Variants in FOXP4 observed in about 807,000 individuals in gnomAD.
FOXP4 encodes forkhead box protein P4.
In FOXP4, 25 loss-of-function variants were observed where a neutral mutation model predicts 82.6. The observed-to-expected ratio is 0.30, with a 90% CI of 0.22 to 0.42. The LOEUF is 0.42. FOXP4 is among the 10% of genes least tolerant of loss of function. The pLI is 1.00. For synonymous variants in FOXP4, 415 were observed against 388.2 expected (o/e 1.07, Z -0.81); for missense variants, 785 against 900.9 (o/e 0.87, Z 1.65).
chr6:41,558,856 CAAGT>C lies in FOXP4; in HGVS notation c.-16-6885_-16-6882del, dbSNP rs1270459469. Reference sequence around the variant, plus strand: ...GCCCTCTGTTTTATATCTCTTGACACAAGTAAGATATAGCAGGATAGCTAGAAAC... The same window carrying C: ...GCCCTCTGTTTTATATCTCTTGACACAAGATATAGCAGGATAGCTAGAAAC... On this transcript the variant is annotated intron_variant, in intron 1 of 16. Coordinates refer to ENST00000307972, the MANE Select transcript of FOXP4 (RefSeq NM_001012426.2). This position sits in a 1 kb window ranked among gnomAD's most constrained non-coding sequence, Gnocchi z 4.0. Among the ~76,000 whole-genome samples the C allele has an allele frequency of 1.3e-5, 2 of 152,116 alleles. No individual in the cohort carries two copies. Among genetic ancestry groups the C allele is most frequent in the African/African-American group, 2.4e-5 (1 of 41,398 alleles).
chr6:41,576,754 A>G (rs1765511041), intron 2 of FOXP4, among the ~76,000 whole-genome samples: 1 of 152,114 alleles, frequency 6.6e-6, no homozygotes, highest in African/African-American at 2.4e-5. Context: ...CCAGTTTTGC[A>G]GATAAGGAGA....
rs1480822740 is a variant in FOXP4, at chr6:41,601,902, G to GAAAGCTGAACTGGAGTC, written c.*2969_*2985dup. ...GGAGCAGGGGAGGGGAGGGTGTTGA[G>GAAAGCTGAACTGGAGTC]AAAGCTGAACTGGAGTCAATCACCC... On this transcript the variant is annotated 3_prime_UTR_variant, in exon 17 of 17. Transcript: ENST00000307972. 3.9e-5 allele frequency: 6 copies of GAAAGCTGAACTGGAGTC among 152,214 alleles called. No individual in the cohort carries two copies. Among genetic ancestry groups the GAAAGCTGAACTGGAGTC allele is most frequent in the African/African-American group, 1.4e-4 (6 of 41,434 alleles). The allele number at this position is 152,214 out of a possible 1,614,324, so 9.4% of individuals were successfully genotyped here.
At chr6:41,577,883 C>A in intron 2 of FOXP4, 103 bp from the exon 3 acceptor site, 1 of 780,270 alleles carries the variant, frequency 1.3e-6, no homozygotes, top group Non-Finnish European at 2.1e-6. Flanking sequence ...CAAGACCTTC[C>A]ACCTTACCCT....
intron 2 of FOXP4, among the ~76,000 whole-genome samples, chr6:41,569,862 G>GT (rs1235429129): frequency 6.6e-6 from 1 of 152,018 alleles, no homozygotes; most frequent in Non-Finnish European, 1.5e-5. Context: ...ATTCAAAAGG[G>GT]TTGGGGGGCT....
intron 1 of FOXP4, among the ~76,000 whole-genome samples, chr6:41,557,969 TCTC>T (rs376933176): frequency 1.6e-3 from 238 of 152,246 alleles, no homozygotes; most frequent in African/African-American, 5.3e-3. Flanking sequence ...CTTGTACTGA[TCTC>T]CTCCGAGCAC....
chr6:41,564,491 A>C (rs986836554), intron 1 of FOXP4, among the ~76,000 whole-genome samples: 17 of 152,186 alleles, frequency 1.1e-4, no homozygotes, highest in African/African-American at 3.4e-4. Context: ...TTATAAGAAG[A>C]AGCTTAGGCC....
chr6:41,590,312 C>T lies in FOXP4; in HGVS notation c.1399C>T (p.Arg467Trp). The change falls in exon 12 of 17, where the codon CGG (arginine) becomes TGG (tryptophan). Residue 467 changes from arginine (R) to tryptophan (W), a missense_variant. This residue lies in a region of FOXP4 where 570 missense variants were observed against 634.0 expected (regional missense o/e 0.90). Transcript: ENST00000307972. ...TGAGTTCTACAAGAACGCCGACGTC[C>T]GGCCCCCCTTCACCTACGCCTCCCT... Reference protein sequence around the residue: ...NHEFYKNADVRPPFTYASLIR... With the variant: ...NHEFYKNADVWPPFTYASLIR... 6.2e-7 allele frequency: 1 copy of T among 1,614,006 alleles called. No homozygotes were observed. Among genetic ancestry groups the T allele is most frequent in the Non-Finnish European group, 8.5e-7 (1 of 1,179,998 alleles).
chr6:41,587,567 G>T, intron 7 of FOXP4, 55 bp downstream of exon 7: 1 of 1,390,434 alleles, frequency 7.2e-7, no homozygotes, highest in Non-Finnish European at 9.8e-7. Context: ...GGTAGACCTG[G>T]CCCCCCACCC....
At position 41,590,111 on chromosome 6, in the gene FOXP4, A is replaced by T. The variant is rs1228482375; in HGVS notation, c.1298A>T (p.His433Leu). The T allele has an allele frequency of 6.2e-7, 1 of 1,612,818 alleles. No individual in the cohort carries two copies. The highest frequency in any genetic ancestry group is 8.5e-7 in the Non-Finnish European group (1 of 1,179,374). ...RPPGLGSASL[H>L]GGGPARRRSS... ...CCTGGCCTGGGCTCTGCCTCCCTGCATGGTGGGGGCCCAGCCCGTCGGAGA... is the reference window on the plus strand; with the variant it reads ...CCTGGCCTGGGCTCTGCCTCCCTGCTTGGTGGGGGCCCAGCCCGTCGGAGA... The change falls in exon 11 of 17, where the codon CAT becomes CTT. Residue 433 changes from histidine (H) to leucine (L), a missense_variant. By Grantham distance (99) the His-to-Leu change is moderately conservative. Around this residue, in one of 3 missense-constraint regions of FOXP4, gnomAD observed 570 missense variants for 634.0 expected, o/e 0.90. Transcript: ENST00000307972.
intron 2 of FOXP4, 124 bp downstream of exon 2, chr6:41,566,088 C>T (rs950634020): frequency 1.9e-6 from 2 of 1,074,746 alleles, no homozygotes; most frequent in Non-Finnish European, 2.6e-6. Flanking sequence ...ATTCTTAAGA[C>T]AGTCCAGCCT....
intron 13 of FOXP4, among the ~76,000 whole-genome samples, chr6:41,592,615 C>A (rs1016576271): frequency 5.3e-5 from 8 of 152,164 alleles, no homozygotes; most frequent in African/African-American, 1.9e-4. Context: ...GCATATTAAT[C>A]TTTTGCCTTT....
rs200299332 is a variant in FOXP4 at position 41,588,741 on chromosome 6, G to A, written c.1065+10G>A. On this transcript the variant is annotated intron_variant, in intron 9 of 16. Coordinates refer to ENST00000307972, the MANE Select transcript of FOXP4 (RefSeq NM_001012426.2). Reference sequence around the variant, plus strand: ...GCAGCTGGAGATCCAGGTGTGGCCCGGAAGATGCTGGGGAGGGACATGGTG... The same window carrying A: ...GCAGCTGGAGATCCAGGTGTGGCCCAGAAGATGCTGGGGAGGGACATGGTG... 85 of 1,612,972 alleles carry A rather than the reference G, an allele frequency of 5.3e-5. No individual in the cohort carries two copies. The highest frequency in any genetic ancestry group is 3.3e-4 in the African/African-American group (25 of 75,018).
At chr6:41,555,177 A>G (rs1256282663) in intron 1 of FOXP4, among the ~76,000 whole-genome samples, 1 of 151,684 alleles carries the variant, frequency 6.6e-6, no homozygotes, top group East Asian at 1.9e-4. Context: ...GCCAAGGAGG[A>G]AAGGTTGCAG....
intron 2 of FOXP4, among the ~76,000 whole-genome samples, chr6:41,577,266 A>C (rs1047183318): frequency 2.6e-5 from 4 of 152,110 alleles, no homozygotes; most frequent in Admixed American, 2.0e-4. Flanking sequence ...TTCAGAACTT[A>C]ATCTAATTCC....
chr6:41,561,942 TCTC>T (rs1396717953), intron 1 of FOXP4, among the ~76,000 whole-genome samples: 1 of 152,248 alleles, frequency 6.6e-6, no homozygotes, highest in East Asian at 1.9e-4. Context: ...GACACTGACT[TCTC>T]CTCCATACCC....
At chr6:41,597,981 C>G in intron 16 of FOXP4, 31 bp downstream of exon 16, 4 of 1,440,346 alleles carry the variant, frequency 2.8e-6, no homozygotes, top group African/African-American at 1.4e-5. Flanking sequence ...CCCACCCACC[C>G]CAGCACCCCT....
chr6:41,555,231 A>G (rs1190565933), intron 1 of FOXP4, among the ~76,000 whole-genome samples: 2 of 152,216 alleles, frequency 1.3e-5, no homozygotes, highest in East Asian at 3.9e-4. Flanking sequence ...TCTGAGCGAC[A>G]CAGAGTGAGA....
At position 41,591,932 on chromosome 6, in the gene FOXP4, G is replaced by T. The variant is rs1009001932; in HGVS notation, c.1536+610G>T. Among the ~76,000 whole-genome samples the T allele has an allele frequency of 2.6e-5, 4 of 152,120 alleles. No homozygotes were observed. Among genetic ancestry groups the T allele is most frequent in the Non-Finnish European group, 5.9e-5 (4 of 68,012 alleles). ...AGAAGCAGGCAAGAGGGGGACTCTA[G>T]AAAAATGGGAGACAGATGCTGGGGT... On this transcript the variant is annotated intron_variant, in intron 13 of 16. Coordinates refer to ENST00000307972, the MANE Select transcript of FOXP4 (RefSeq NM_001012426.2). The surrounding 1 kb of genome is among the most constrained non-coding windows in gnomAD (Gnocchi z 4.2).
At chr6:41,569,971 CT>C (rs1413594929) in intron 2 of FOXP4, among the ~76,000 whole-genome samples, 2 of 151,920 alleles carry the variant, frequency 1.3e-5, no homozygotes, top group Non-Finnish European at 1.5e-5. Flanking sequence ...AGAGATTTTT[CT>C]TTCCTTTTCC....
Sources: allele counts gnomAD v4.1 joint callset (sites outside exome capture counted in the v4.1 genomes callset), GRCh38; gene constraint gnomAD v4.1.1; regional missense constraint gnomAD v4.1.1; non-coding constraint Gnocchi (gnomAD v3.1); transcripts MANE v1.5; gene names NCBI Gene and HGNC (gene_info 2026-07-23, HGNC 2026-07-21).